The following MECOM variants were observed in gnomAD, a reference collection of about 807,000 sequenced individuals.
MECOM encodes histone-lysine N-methyltransferase MECOM.
A neutral mutation model predicts 116.3 loss-of-function variants in MECOM; 13 were observed. The observed-to-expected ratio is 0.11, with a 90% CI of 0.07 to 0.18. The LOEUF is 0.18. MECOM is among the 10% of genes least tolerant of loss of function. The pLI is 1.00. For missense variants in MECOM, 1,299 were observed against 1,509.0 expected (o/e 0.86, Z 2.31); for synonymous variants, 528 against 535.2 (o/e 0.99, Z 0.19).
At chr3:169,238,981 A>G (rs544169775) in intron 2 of MECOM, among the ~76,000 whole-genome samples, 2 of 152,176 alleles carry the variant, frequency 1.3e-5, no homozygotes, top group Admixed American at 6.5e-5. Context: ...CATCTTCATC[A>G]TAATGAGAAT....
At chr3:169,393,109 G>A (rs1734487719) in intron 1 of MECOM, among the ~76,000 whole-genome samples, 1 of 152,076 alleles carries the variant, frequency 6.6e-6, no homozygotes, top group Non-Finnish European at 1.5e-5. Flanking sequence ...TGAATAGGTA[G>A]GACTGCTGTG....
At chr3:169,235,861 A>G (rs1322371194) in intron 2 of MECOM, among the ~76,000 whole-genome samples, 1 of 147,944 alleles carries the variant, frequency 6.8e-6, no homozygotes, top group Non-Finnish European at 1.5e-5. Context: ...GAATCAAACC[A>G]TTTTGCTTAA....
chr3:169,386,740 T>C, intron 1 of MECOM, among the ~76,000 whole-genome samples: 1 of 152,152 alleles, frequency 6.6e-6, no homozygotes, highest in Non-Finnish European at 1.5e-5. Flanking sequence ...TCAATTTCCT[T>C]AGGTTAGATT....
At chr3:169,129,269 G>T (rs781392217) in intron 4 of MECOM, among the ~76,000 whole-genome samples, 16 of 151,984 alleles carry the variant, frequency 1.1e-4, no homozygotes, top group Non-Finnish European at 1.9e-4. Flanking sequence ...AGTATGGTAG[G>T]TTCACAGAGC....
At chr3:169,164,908 G>A (rs1253185471) in intron 2 of MECOM, among the ~76,000 whole-genome samples, 2 of 152,010 alleles carry the variant, frequency 1.3e-5, no homozygotes, top group African/African-American at 4.8e-5. Flanking sequence ...AGCACTTGTG[G>A]TCTGCATCCT....
chr3:169,632,959 A>G (rs1772272340), intron 1 of MECOM, among the ~76,000 whole-genome samples: 1 of 152,238 alleles, frequency 6.6e-6, no homozygotes, highest in South Asian at 2.1e-4. Context: ...CAACAGTGTC[A>G]ACAAATGCTA....
intron 2 of MECOM, among the ~76,000 whole-genome samples, chr3:169,326,023 T>C (rs982166884): frequency 6.6e-6 from 1 of 151,864 alleles, no homozygotes; most frequent in Non-Finnish European, 1.5e-5. Context: ...AGGGCAGAGA[T>C]AACATGGCAC....
intron 1 of MECOM, among the ~76,000 whole-genome samples, chr3:169,579,140 C>T (rs1014994186): frequency 1.4e-4 from 21 of 152,150 alleles, no homozygotes; most frequent in African/African-American, 5.1e-4. Context: ...ACAAGTCTTT[C>T]GAGAGTCTGC....
At chr3:169,448,351 C>T (rs1248667247) in intron 1 of MECOM, among the ~76,000 whole-genome samples, 1 of 152,148 alleles carries the variant, frequency 6.6e-6, no homozygotes, top group African/African-American at 2.4e-5. Flanking sequence ...CCATCACATG[C>T]TAAGCATCTT....
intron 2 of MECOM, among the ~76,000 whole-genome samples, chr3:169,212,628 T>C (rs1168585306): frequency 9.5e-6 from 1 of 105,770 alleles, no homozygotes; most frequent in Non-Finnish European, 1.9e-5. Context: ...GGTCTTCTAG[T>C]CAGCAATGTA....
intron 2 of MECOM, among the ~76,000 whole-genome samples, chr3:169,369,493 T>G (rs749791687): frequency 2.0e-5 from 3 of 151,402 alleles, no homozygotes; most frequent in African/African-American, 2.4e-5. Context: ...ACTACACATA[T>G]GTGTCACCAT....
At chr3:169,181,844 C>T (rs1000058541) in intron 2 of MECOM, among the ~76,000 whole-genome samples, 5 of 152,154 alleles carry the variant, frequency 3.3e-5, no homozygotes, top group African/African-American at 9.7e-5. Context: ...CTCCCTGCTT[C>T]TGTGACCCTG....
chr3:169,616,982 T>C (rs1161081852), intron 1 of MECOM, among the ~76,000 whole-genome samples: 3 of 152,258 alleles, frequency 2.0e-5, no homozygotes, highest in South Asian at 4.1e-4. Flanking sequence ...ATCAATTCTA[T>C]TCTCCAATTC....
intron 2 of MECOM, among the ~76,000 whole-genome samples, chr3:169,308,680 T>C (rs1421559485): frequency 6.6e-6 from 1 of 152,204 alleles, no homozygotes; most frequent in African/African-American, 2.4e-5. Context: ...TTATTTTTTA[T>C]CCAAATAAAG....
intron 3 of MECOM, among the ~76,000 whole-genome samples, chr3:169,137,330 C>T (rs1736666446): frequency 6.6e-6 from 1 of 151,942 alleles, no homozygotes; most frequent in Non-Finnish European, 1.5e-5. Flanking sequence ...TAGTCTGGAC[C>T]CTGATCTATC....
chr3:169,225,687 G>A (rs1052501405), intron 2 of MECOM, among the ~76,000 whole-genome samples: 8 of 152,142 alleles, frequency 5.3e-5, no homozygotes, highest in South Asian at 2.1e-4. Context: ...TCAGCTCACC[G>A]CAACCTGTGC....
chr3:169,440,147 C>A (rs1354785260), intron 1 of MECOM, among the ~76,000 whole-genome samples: 1 of 151,994 alleles, frequency 6.6e-6, no homozygotes, highest in African/African-American at 2.4e-5. Context: ...AGTGAGTTCA[C>A]AAGTGTTCAT....
chr3:169,592,124 T>G (rs905840668), intron 1 of MECOM, among the ~76,000 whole-genome samples: 4 of 152,162 alleles, frequency 2.6e-5, no homozygotes, highest in African/African-American at 4.8e-5. Flanking sequence ...TCCCTCACAA[T>G]GCAAACTTCA....
At chr3:169,594,154 C>CAAA (rs34331048) in intron 1 of MECOM, among the ~76,000 whole-genome samples, 270 of 44,432 alleles carry the variant, frequency 6.1e-3, no homozygotes, top group Middle Eastern at 0.029. Flanking sequence ...ACCACCACCA[C>CAAA]AAAAAAAAAA....
Sources: gnomAD v4.1 joint callset for allele counts (sites outside exome capture counted in the v4.1 genomes callset) on GRCh38, gnomAD v4.1.1 for gene constraint, MANE v1.5 for transcripts, NCBI Gene and HGNC (gene_info 2026-07-23, HGNC 2026-07-21) for gene names.